The following FLAD1 variants were observed in gnomAD, a reference collection of about 807,000 sequenced individuals.
The protein encoded by FLAD1 is flavin adenine dinucleotide synthetase 1.
In FLAD1, 35 loss-of-function variants were observed where a neutral mutation model predicts 55.0. That is an observed-to-expected ratio of 0.64 (90% CI 0.49 to 0.84). The LOEUF (loss-of-function observed/expected upper bound fraction) is 0.84, where lower values mean the gene tolerates loss of function less well. FLAD1 is among the 40% of genes least tolerant of loss of function. The pLI is 0.00. For synonymous variants in FLAD1, 267 were observed against 303.0 expected, an observed-to-expected ratio of 0.88 and a Z score of 1.23; for missense variants, 665 against 742.6, an observed-to-expected ratio of 0.90 and a Z score of 1.21.
Position 154,989,566 on chromosome 1 carries a change from C to G in FLAD1, c.1124C>G (p.Ser375Cys). 6.3e-7 allele frequency: 1 copy of G among 1,576,886 alleles called. No individual in the cohort carries two copies. ...AVYKLAESGSSLGKKVAGALQ... is the reference protein window; with the variant it reads ...AVYKLAESGSCLGKKVAGALQ... Reference sequence around the variant, plus strand: ...TTCCCTGCCTGCTTGGCAGGGTCTTCTTTGGGGAAAAAGGTGGCAGGTGCC... The same window carrying G: ...TTCCCTGCCTGCTTGGCAGGGTCTTGTTTGGGGAAAAAGGTGGCAGGTGCC... The change falls in exon 3 of 7, where the codon TCT becomes TGT. Residue 375 changes from serine to cysteine, a missense_variant. Transcript: ENST00000292180.
Position 154,989,721 on chromosome 1 carries a change from C to A in FLAD1, c.1265+14C>A. The A allele has an allele frequency of 1.3e-6, 2 of 1,494,532 alleles. No homozygotes were observed. The highest frequency in any genetic ancestry group is 2.4e-5 in the East Asian group (1 of 42,236). 92.6% of individuals were successfully genotyped at this position (1,494,532 alleles called of 1,614,324 possible). Reference sequence around the variant, plus strand: ...AGCTGTGCAGAGGTGAGCCTGCCCCCGGGAGACAAGACCCCTGATCTGTTT... The same window carrying A: ...AGCTGTGCAGAGGTGAGCCTGCCCCAGGGAGACAAGACCCCTGATCTGTTT... On this transcript the variant is annotated intron_variant, in intron 3 of 6. Transcript: ENST00000292180.
chr1:154,985,909 A>C (rs964155828), intron 1 of FLAD1, among the ~76,000 whole-genome samples: 1 of 147,146 alleles, frequency 6.8e-6, no homozygotes, highest in Non-Finnish European at 1.5e-5. Context: ...TATTTTTAGT[A>C]GAGACGGGGT....
intron 5 of FLAD1, 195 bp downstream of exon 5, chr1:154,990,723 T>C: frequency 1.9e-6 from 1 of 525,148 alleles, no homozygotes; most frequent in South Asian, 3.2e-5. Context: ...ATAGCAGGCA[T>C]TGCACTTCCT....
chr1:154,992,832 G>A lies in FLAD1; in HGVS notation c.1628+46G>A, dbSNP rs771795939. On this transcript the variant is annotated intron_variant, in intron 6 of 6. Transcript: ENST00000292180. ...GAATGGGTAAGGGAGTTTTTAGGGT[G>A]CTGGGATAGGGAGGGCCAATAGGAT... 4 of 1,613,918 alleles carry A rather than the reference G, an allele frequency of 2.5e-6. No individual in the cohort carries two copies. In the African/African-American group the frequency reaches 5.3e-5, roughly 22 times the overall value.
At position 154,992,783 on chromosome 1, in the gene FLAD1, G is replaced by T. The variant is rs539158486; in HGVS notation, c.1625G>T (p.Arg542Leu). Reference sequence around the variant, plus strand: ...GTCCCATACTGTATCCTGTATGACCGAGGGTAAGGGTATTAGGGGAAGGGA... The same window carrying T: ...GTCCCATACTGTATCCTGTATGACCTAGGGTAAGGGTATTAGGGGAAGGGA... ...LFVPYCILYD[R>L]GYTSLGSREN... Residue 542 changes from arginine (R) to leucine (L), a missense_variant, in exon 6 of 7, where the codon CGA becomes CTA. Transcript: ENST00000292180. 8 of 1,614,036 alleles carry T rather than the reference G, an allele frequency of 5.0e-6. No individual in the cohort carries two copies. The South Asian group carries it at 8.8e-5, about 18-fold the overall frequency.
chr1:154,988,379 G>A lies in FLAD1; in HGVS notation c.647G>A (p.Gly216Asp). 1 of 1,614,220 alleles carries A rather than the reference G, an allele frequency of 6.2e-7. No homozygotes were observed. Among genetic ancestry groups the A allele is most frequent in the Non-Finnish European group, 8.5e-7 (1 of 1,180,044 alleles). ...EAATKALGGE[G>D]WEKLSLVPSS... ...GCCACCAAAGCCCTAGGAGGGGAAGGCTGGGAGAAGCTATCATTGGTGCCC... is the reference window on the plus strand; with the variant it reads ...GCCACCAAAGCCCTAGGAGGGGAAGACTGGGAGAAGCTATCATTGGTGCCC... Residue 216 changes from glycine to aspartate, a missense_variant, in exon 2 of 7, where the codon GGC (glycine) becomes GAC (aspartate). Physicochemically the swap from Gly to Asp is moderately conservative, Grantham distance 94. Transcript: ENST00000292180.
chr1:154,988,969 C>G (rs991228555), intron 2 of FLAD1, 120 bp downstream of exon 2: 4 of 1,517,278 alleles, frequency 2.6e-6, no homozygotes, highest in Admixed American at 4.3e-5. Flanking sequence ...AAGATAGCTT[C>G]TGTTAATTCA....
In FLAD1 at chr1:154,989,641, G is replaced by A; in HGVS notation, c.1199G>A (p.Cys400Tyr). 2 of 1,601,208 alleles carry A rather than the reference G, an allele frequency of 1.2e-6. No individual in the cohort carries two copies. Among genetic ancestry groups the A allele is most frequent in the South Asian group, 2.2e-5 (2 of 89,514 alleles). ...SLAQYSLTQL[C>Y]VGFNGGKDCT... ...GCTCAGTACAGCCTCACCCAGCTCT[G>A]TGTGGGCTTCAACGGGGGCAAAGAC... The change falls in exon 3 of 7, where the codon TGT (cysteine) becomes TAT (tyrosine). Residue 400 changes from cysteine to tyrosine, a missense_variant. By Grantham distance (194) the Cys-to-Tyr change is radical. Coordinates refer to ENST00000292180, the MANE Select transcript of FLAD1 (RefSeq NM_025207.5).
chr1:154,989,968 G>C (rs545653890), intron 3 of FLAD1, among the ~76,000 whole-genome samples, 191 bp from the exon 4 acceptor site: 1 of 152,250 alleles, frequency 6.6e-6, no homozygotes, highest in Non-Finnish European at 1.5e-5. Flanking sequence ...CCAGGGATGC[G>C]TGCTTAGATT....
intron 5 of FLAD1, among the ~76,000 whole-genome samples, chr1:154,991,707 G>A (rs1657878369): frequency 6.6e-6 from 1 of 152,250 alleles, no homozygotes; most frequent in Admixed American, 6.5e-5. Context: ...CACTCTGGGA[G>A]GCCGAGGTGG....
At chr1:154,990,571 C>T (rs952706524) in intron 5 of FLAD1, 43 bp downstream of exon 5, 1 of 1,526,894 alleles carries the variant, frequency 6.5e-7, no homozygotes, top group South Asian at 1.3e-5. Context: ...TCACGTGCCC[C>T]AGCAGTCACT....
Position 154,983,573 on chromosome 1 carries a change from T to C in FLAD1, c.-122T>C. ...AGGTAGACATTTAAAGGGGTACGGA[T>C]GCCCAAGGTAGAGCAGACACTTGAG... On this transcript the variant is annotated 5_prime_UTR_variant, in exon 1 of 7. It removes an upstream start codon present in the reference 5' UTR. Coordinates refer to ENST00000292180, the MANE Select transcript of FLAD1 (RefSeq NM_025207.5). 9.7e-7 allele frequency: 1 copy of C among 1,027,262 alleles called. No homozygotes were observed. Among genetic ancestry groups the C allele is most frequent in the Non-Finnish European group, 1.4e-6 (1 of 706,274 alleles). 63.6% of individuals were successfully genotyped at this position (1,027,262 alleles called of 1,614,324 possible).
chr1:154,989,494 T>C, intron 2 of FLAD1, 66 bp from the exon 3 acceptor site: 1 of 1,412,374 alleles, frequency 7.1e-7, no homozygotes, highest in African/African-American at 1.5e-5. Flanking sequence ...AAGGGCAGCA[T>C]GCCTTCACTC....
intron 1 of FLAD1, among the ~76,000 whole-genome samples, chr1:154,986,877 C>T (rs1657636107): frequency 1.3e-5 from 2 of 151,920 alleles, no homozygotes; most frequent in African/African-American, 2.4e-5. Context: ...GGATTACAGG[C>T]GTGAGCCACC....
chr1:154,991,520 A>T (rs1219092156), intron 5 of FLAD1, among the ~76,000 whole-genome samples: 1 of 151,956 alleles, frequency 6.6e-6, no homozygotes, highest in Non-Finnish European at 1.5e-5. Context: ...GCACCACTAT[A>T]CTCCAGCCTG....
At position 154,983,479 on chromosome 1, in the gene FLAD1, G is replaced by A. The variant is rs1232601829; in HGVS notation, c.-216G>A. On this transcript the variant is annotated 5_prime_UTR_variant, in exon 1 of 7. Coordinates refer to ENST00000292180, the MANE Select transcript of FLAD1 (RefSeq NM_025207.5). ...GCTAGAAAGGGTGCAGAAGCCTGAA[G>A]TAGAAAGAGACGGGATTTTGGTCCG... The A allele has an allele frequency of 8.2e-6, 4 of 490,228 alleles. No individual in the cohort carries two copies. The highest frequency in any genetic ancestry group is 1.5e-5 in the Non-Finnish European group (4 of 274,872). The allele number at this position is 490,228 out of a possible 1,614,324, so 30.4% of individuals were successfully genotyped here.
At chr1:154,986,704 CTTTTTTTTT>C (rs776649473) in intron 1 of FLAD1, among the ~76,000 whole-genome samples, 1 of 91,700 alleles carries the variant, frequency 1.1e-5, no homozygotes, top group East Asian at 3.3e-4. Context: ...GCCCCCCACC[CTTTTTTTTT>C]TTTTTTTTTT....
chr1:154,988,118 A>T lies in FLAD1; in HGVS notation c.386A>T (p.Asp129Val). 1 of 1,614,178 alleles carries T rather than the reference A, an allele frequency of 6.2e-7. No homozygotes were observed. Among genetic ancestry groups the T allele is most frequent in the Non-Finnish European group, 8.5e-7 (1 of 1,180,040 alleles). The change falls in exon 2 of 7, where the codon GAC (aspartate) becomes GTC (valine). Residue 129 changes from aspartate (D) to valine (V), a missense_variant. Physicochemically the swap from Asp to Val is radical, Grantham distance 152. Coordinates refer to ENST00000292180, the MANE Select transcript of FLAD1 (RefSeq NM_025207.5). ...GDEILKGHTQ[D>V]TNTFFLCRTL... is the part of the protein sequence containing the mutation. ...TTCAACCCCCAGGGACACACTCAGG[A>T]CACCAACACCTTCTTTCTGTGCCGG...
Position 154,990,358 on chromosome 1 carries a change from G to A in FLAD1, c.1384G>A (p.Glu462Lys), listed in dbSNP as rs368839281. 5.0e-6 allele frequency: 8 copies of A among 1,613,868 alleles called. No homozygotes were observed. Among genetic ancestry groups the A allele is most frequent in the Non-Finnish European group, 6.8e-6 (8 of 1,179,862 alleles). ...CCTAAGGTATAATCTGCAGATGTTG[G>A]AAGCTGAGGGCAGCATGAAGCAGGC... ...TIKRYNLQML[E>K]AEGSMKQALG... Residue 462 changes from glutamate (E) to lysine (K), a missense_variant, in exon 5 of 7, where the codon GAA (glutamate) becomes AAA (lysine). By Grantham distance (56) the Glu-to-Lys change is moderately conservative. Coordinates refer to ENST00000292180, the MANE Select transcript of FLAD1 (RefSeq NM_025207.5).
Sources: gnomAD v4.1 joint callset for allele counts (sites outside exome capture counted in the v4.1 genomes callset) on GRCh38, gnomAD v4.1.1 for gene constraint, MANE v1.5 for transcripts, NCBI Gene and HGNC (gene_info 2026-07-23, HGNC 2026-07-21) for gene names.